LPCAT1: variants seen among roughly 807,000 people sequenced by gnomAD.
The protein encoded by LPCAT1 is 1-acylglycerol-3-phosphate O-acyltransferase.
LPCAT1 carries 23 observed loss-of-function variants against 60.9 expected under a neutral mutation model. The ratio of observed to expected loss-of-function variants is 0.38; its 90% CI spans 0.27 to 0.53. LPCAT1 has a LOEUF of 0.53. LPCAT1 is among the 20% of genes least tolerant of loss of function. The pLI, the probability that LPCAT1 is intolerant of heterozygous loss-of-function variation, is 0.82. For synonymous variants in LPCAT1, 340 were observed against 301.1 expected, an observed-to-expected ratio of 1.13 and a Z score of -1.34; for missense variants, 622 against 723.6, an observed-to-expected ratio of 0.86 and a Z score of 1.61.
At chr5:1,491,129 A>G (rs1419246370) in intron 3 of LPCAT1, among the ~76,000 whole-genome samples, 1 of 127,084 alleles carries the variant, frequency 7.9e-6, no homozygotes, top group East Asian at 2.1e-4. Context: ...GGTCTTTCCT[A>G]TGTCTTGAAT....
At chr5:1,469,569 G>A (rs1192637517) in intron 12 of LPCAT1, among the ~76,000 whole-genome samples, 2 of 152,176 alleles carry the variant, frequency 1.3e-5, no homozygotes, top group Non-Finnish European at 2.9e-5. Flanking sequence ...TTGAGGCCAG[G>A]AGTTTGAGAC....
chr5:1,508,818 GCT>G (rs914088531), intron 1 of LPCAT1, among the ~76,000 whole-genome samples: 1 of 152,208 alleles, frequency 6.6e-6, no homozygotes, highest in Non-Finnish European at 1.5e-5. Flanking sequence ...CCAGGCCCAG[GCT>G]CTCTGATTTC....
At chr5:1,509,373 C>A (rs1169026062) in intron 1 of LPCAT1, among the ~76,000 whole-genome samples, 1 of 152,252 alleles carries the variant, frequency 6.6e-6, no homozygotes, top group Non-Finnish European at 1.5e-5. Flanking sequence ...TGCAAATCCA[C>A]GAGAGAACGT....
At chr5:1,500,994 C>T (rs555233008) in intron 2 of LPCAT1, among the ~76,000 whole-genome samples, 167 of 152,212 alleles carry the variant, frequency 1.1e-3, no homozygotes, top group Non-Finnish European at 1.8e-3. Flanking sequence ...CCCAAGAGGC[C>T]GTCCACTCAC....
At position 1,479,602 on chromosome 5, in the gene LPCAT1, ACT is replaced by A. The variant is rs761617762; in HGVS notation, c.816+17_816+18del. On this transcript the variant is annotated intron_variant, in intron 8 of 13. Coordinates refer to ENST00000283415, the MANE Select transcript of LPCAT1 (RefSeq NM_024830.5). ...CAACCACTGTGAAGAGCGCTGTGTA[ACT>A]CTGTATCCATACGAACCTCGATTTC... is the stretch of plus-strand genomic sequence containing the variant. 8 of 1,580,834 alleles carry A rather than the reference ACT, an allele frequency of 5.1e-6. No homozygotes were observed. The highest frequency in any genetic ancestry group is 7.0e-6 in the Non-Finnish European group (8 of 1,149,812).
intron 12 of LPCAT1, among the ~76,000 whole-genome samples, chr5:1,467,971 G>C (rs541079920): frequency 6.6e-6 from 1 of 152,148 alleles, no homozygotes; most frequent in Non-Finnish European, 1.5e-5. Context: ...CTGTGATCTT[G>C]TGAGCGTTTG....
rs894202371 is a variant in LPCAT1 at position 1,487,247 on chromosome 5, A to G, written c.667+1144T>C. ...TTTGGCCTTCACCAAGGTTGCCCAC[A>G]GGCCACGCCCAGGCACGGACCCAGT... On this transcript the variant is annotated intron_variant, in intron 5 of 13. Coordinates refer to ENST00000283415, the MANE Select transcript of LPCAT1 (RefSeq NM_024830.5). This position sits in a 1 kb window ranked among gnomAD's most constrained non-coding sequence, Gnocchi z 6.1. Among the ~76,000 whole-genome samples the G allele has an allele frequency of 1.3e-5, 2 of 152,248 alleles. No homozygotes were observed. The highest frequency in any genetic ancestry group is 6.5e-5 in the Admixed American group (1 of 15,288).
intron 1 of LPCAT1, among the ~76,000 whole-genome samples, chr5:1,510,157 G>A (rs1049711210): frequency 1.3e-5 from 2 of 152,110 alleles, no homozygotes; most frequent in African/African-American, 4.8e-5. Context: ...GTCACACTCT[G>A]GAGCTTTTCA....
chr5:1,487,902 C>T lies in LPCAT1; in HGVS notation c.667+489G>A, dbSNP rs368377333. ...CAATACTAGACCCAGGTAACCGCCGCGGGAGAGACCCAAGTTCACACGCAT... is the reference window on the plus strand; with the variant it reads ...CAATACTAGACCCAGGTAACCGCCGTGGGAGAGACCCAAGTTCACACGCAT... On this transcript the variant is annotated intron_variant, in intron 5 of 13. Coordinates refer to ENST00000283415, the MANE Select transcript of LPCAT1 (RefSeq NM_024830.5). This position sits in a 1 kb window ranked among gnomAD's most constrained non-coding sequence, Gnocchi z 6.1. Among the ~76,000 whole-genome samples the T allele has an allele frequency of 5.6e-4, 85 of 152,224 alleles. No homozygotes were observed. Among genetic ancestry groups the T allele is most frequent in the African/African-American group, 2.0e-3 (82 of 41,526 alleles).
In LPCAT1 at chr5:1,496,668, G is replaced by A. The variant is rs946918122; in HGVS notation, c.279-1754C>T. On this transcript the variant is annotated intron_variant, in intron 2 of 13. Transcript: ENST00000283415. This position sits in a 1 kb window ranked among gnomAD's most constrained non-coding sequence, Gnocchi z 4.7. ...GAATTGCAGGGACAGACGGTGCTCA[G>A]GGGAACTGTACTGGGTGTCGGGGCA... is the stretch of plus-strand genomic sequence containing the variant. Among the ~76,000 whole-genome samples the A allele has an allele frequency of 6.6e-6, 1 of 152,232 alleles. No homozygotes were observed. The highest frequency in any genetic ancestry group is 2.1e-4 in the South Asian group (1 of 4,838).
chr5:1,465,707 C>G (rs921662528), intron 13 of LPCAT1, among the ~76,000 whole-genome samples: 1 of 152,112 alleles, frequency 6.6e-6, no homozygotes, highest in East Asian at 1.9e-4. Context: ...CGCACACACA[C>G]AACACACATG....
chr5:1,471,379 G>A (rs979550689), intron 11 of LPCAT1, among the ~76,000 whole-genome samples: 1 of 152,248 alleles, frequency 6.6e-6, no homozygotes, highest in Non-Finnish European at 1.5e-5. Context: ...AGTCAGCCCC[G>A]CGCTGACCAT....
At chr5:1,467,718 G>A (rs1380708892) in intron 12 of LPCAT1, among the ~76,000 whole-genome samples, 1 of 150,790 alleles carries the variant, frequency 6.6e-6, no homozygotes, top group Non-Finnish European at 1.5e-5. Flanking sequence ...CTTTAGGCTC[G>A]AGCCTGGCCC....
intron 1 of LPCAT1, among the ~76,000 whole-genome samples, chr5:1,520,329 T>C (rs1412280174): frequency 1.3e-5 from 2 of 152,170 alleles, no homozygotes; most frequent in Non-Finnish European, 2.9e-5. Flanking sequence ...CACTTTTGGG[T>C]AAATTCTATG....
chr5:1,508,742 G>A (rs930886497), intron 1 of LPCAT1, among the ~76,000 whole-genome samples: 1 of 152,212 alleles, frequency 6.6e-6, no homozygotes, highest in East Asian at 1.9e-4. Context: ...TGTAAACAAG[G>A]CCATCCAAAT....
At position 1,480,571 on chromosome 5, in the gene LPCAT1, C is replaced by A. The variant is rs909857916; in HGVS notation, c.761+371G>T. Among the ~76,000 whole-genome samples, 2 of 152,164 alleles carry A rather than the reference C, an allele frequency of 1.3e-5. No homozygotes were observed. The highest frequency in any genetic ancestry group is 2.9e-5 in the Non-Finnish European group (2 of 68,016). ...TCACAGCAGGGGCTGGCCTCCCACC[C>A]AGCACTACTCAGTCTCTGTGCCTGT... On this transcript the variant is annotated intron_variant, in intron 7 of 13. Transcript: ENST00000283415. The surrounding 1 kb of genome is among the most constrained non-coding windows in gnomAD (Gnocchi z 6.4).
At chr5:1,485,464 G>A (rs1038813462) in intron 5 of LPCAT1, among the ~76,000 whole-genome samples, 6 of 152,228 alleles carry the variant, frequency 3.9e-5, no homozygotes. Flanking sequence ...GCAGAGGGGA[G>A]GAGGTACGGG....
At position 1,477,670 on chromosome 5, in the gene LPCAT1, A is replaced by C. The variant is rs1734977851; in HGVS notation, c.817-184T>G. 2.0e-5 allele frequency among the ~76,000 whole-genome samples: 3 copies of C among 152,248 alleles called. No homozygotes were observed. The highest frequency in any genetic ancestry group is 7.2e-5 in the African/African-American group (3 of 41,474). ...CACACCCCCATGATGCATGAACTGC[A>C]CACGTGTGCACCTGAACACTCACCC... On this transcript the variant is annotated intron_variant, in intron 8 of 13. Transcript: ENST00000283415. This position sits in a 1 kb window ranked among gnomAD's most constrained non-coding sequence, Gnocchi z 6.0.
At position 1,477,651 on chromosome 5, in the gene LPCAT1, C is replaced by T. The variant is rs1161368661; in HGVS notation, c.817-165G>A. ...ACGTGTGTGTACGCACACACACACC[C>T]CCATGATGCATGAACTGCACACGTG... On this transcript the variant is annotated intron_variant, in intron 8 of 13. Coordinates refer to ENST00000283415, the MANE Select transcript of LPCAT1 (RefSeq NM_024830.5). This position sits in a 1 kb window ranked among gnomAD's most constrained non-coding sequence, Gnocchi z 6.0. Among the ~76,000 whole-genome samples, 6 of 152,088 alleles carry T rather than the reference C, an allele frequency of 3.9e-5. No homozygotes were observed. Among genetic ancestry groups the T allele is most frequent in the Non-Finnish European group, 8.8e-5 (6 of 67,932 alleles).
Sources: allele counts gnomAD v4.1 joint callset (sites outside exome capture counted in the v4.1 genomes callset), GRCh38; gene constraint gnomAD v4.1.1; non-coding constraint Gnocchi (gnomAD v3.1); transcripts MANE v1.5; gene names NCBI Gene and HGNC (gene_info 2026-07-23, HGNC 2026-07-21).